The following AGK variants were observed in gnomAD, a reference collection of about 807,000 sequenced individuals.
AGK encodes the protein acylglycerol kinase, mitochondrial.
In AGK, 52 loss-of-function variants were observed where a neutral mutation model predicts 66.4. The ratio of observed to expected loss-of-function variants is 0.78; its 90% CI spans 0.63 to 0.99. The LOEUF (loss-of-function observed/expected upper bound fraction) is 0.99, where lower values mean the gene tolerates loss of function less well. AGK is among the 50% of genes least tolerant of loss of function. The pLI is 0.00. For synonymous variants in AGK, 182 were observed against 181.1 expected, an observed-to-expected ratio of 1.00 and a Z score of -0.04; for missense variants, 451 against 506.6, an observed-to-expected ratio of 0.89 and a Z score of 1.05.
chr7:141,598,856 T>C lies in AGK; in HGVS notation c.221+2215T>C, dbSNP rs1796283794. On this transcript the variant is annotated intron_variant, in intron 4 of 15. Coordinates refer to ENST00000649286, the MANE Select transcript of AGK (RefSeq NM_018238.4). The surrounding 1 kb of genome is among the most constrained non-coding windows in gnomAD (Gnocchi z 4.2). ...TTTGTTTAAGCAATAACCAGTTATT[T>C]TGAGTTCCTGCTTCTAAGAGGTATC... 6.6e-6 allele frequency: 1 copy of C among 152,184 alleles called. No homozygotes were observed. The highest frequency in any genetic ancestry group is 2.1e-4 in the South Asian group (1 of 4,830). 9.4% of individuals were successfully genotyped at this position (152,184 alleles called of 1,614,324 possible). A position where few individuals can be genotyped will look rare whatever the true frequency, so the allele number is the denominator to read the frequency against.
chr7:141,597,890 CAAAAAAAAA>C (rs56295907), intron 4 of AGK, among the ~76,000 whole-genome samples: 4 of 71,444 alleles, frequency 5.6e-5, no homozygotes, highest in African/African-American at 1.5e-4. Flanking sequence ...GACTCTGTCT[CAAAAAAAAA>C]AAAAAAAAAA....
In AGK at chr7:141,555,429, C is replaced by A; in HGVS notation, c.-14-24C>A. ...GACCATGGATAAATTATATTTTTTT[C>A]TCTTTCCGCCTCTACTAACCTAGCA... On this transcript the variant is annotated intron_variant, in intron 1 of 15. Transcript: ENST00000649286. This position sits in a 1 kb window ranked among gnomAD's most constrained non-coding sequence, Gnocchi z 4.2. 1 of 1,498,020 alleles carries A rather than the reference C, an allele frequency of 6.7e-7. No homozygotes were observed. Among genetic ancestry groups the A allele is most frequent in the Non-Finnish European group, 9.2e-7 (1 of 1,083,418 alleles). The allele number at this position is 1,498,020 out of a possible 1,614,324, so 92.8% of individuals were successfully genotyped here.
chr7:141,651,573 T>G lies in AGK; in HGVS notation c.1095T>G (p.Cys365Trp), dbSNP rs1252962430. The G allele has an allele frequency of 6.2e-7, 1 of 1,614,084 alleles. No individual in the cohort carries two copies. Among genetic ancestry groups the G allele is most frequent in the African/African-American group, 1.3e-5 (1 of 74,914 alleles). Residue 365 changes from cysteine to tryptophan, a missense_variant, in exon 15 of 16, where the codon TGT becomes TGG. Coordinates refer to ENST00000649286, the MANE Select transcript of AGK (RefSeq NM_018238.4). ...AGCTGCACGTGGAGGGCACGGAGTG[T>G]CTCCAAGCCAGCCAGTGCACTTTGC... ...NPKLHVEGTE[C>W]LQASQCTLLI...
chr7:141,582,620 T>C (rs2116900538), intron 2 of AGK, among the ~76,000 whole-genome samples: 1 of 152,146 alleles, frequency 6.6e-6, no homozygotes, highest in East Asian at 1.9e-4. Flanking sequence ...CTGGGTTTTT[T>C]ATATTTGATG....
intron 6 of AGK, among the ~76,000 whole-genome samples, chr7:141,612,344 A>G (rs2116957640): frequency 6.6e-6 from 1 of 152,308 alleles, no homozygotes; most frequent in East Asian, 1.9e-4. Flanking sequence ...CAGAGCACAG[A>G]GGATTGTTAG....
chr7:141,609,458 C>T (rs969066194), intron 5 of AGK, among the ~76,000 whole-genome samples: 1 of 152,158 alleles, frequency 6.6e-6, no homozygotes, highest in Non-Finnish European at 1.5e-5. Context: ...ATAAAGGATA[C>T]TACTCGGGAA....
At chr7:141,637,148 T>G (rs1797193201) in intron 11 of AGK, 131 bp downstream of exon 11, 2 of 671,642 alleles carry the variant, frequency 3.0e-6, no homozygotes, top group Non-Finnish European at 5.0e-6. Context: ...AAACAGGGCA[T>G]GTTTGATTAA....
chr7:141,634,605 T>C (rs1018880249), intron 10 of AGK, among the ~76,000 whole-genome samples: 16 of 152,210 alleles, frequency 1.1e-4, no homozygotes, highest in Admixed American at 8.5e-4. Context: ...AGAGGGTGTG[T>C]CATGTTCCAT....
intron 9 of AGK, among the ~76,000 whole-genome samples, chr7:141,623,529 C>T (rs149320658): frequency 2.0e-5 from 3 of 152,184 alleles, no homozygotes; most frequent in African/African-American, 4.8e-5. Flanking sequence ...AGGGCAAGGC[C>T]CTAACTCTCT....
At chr7:141,558,303 G>A (rs1350920622) in intron 2 of AGK, among the ~76,000 whole-genome samples, 3 of 151,224 alleles carry the variant, frequency 2.0e-5, no homozygotes, top group East Asian at 1.9e-4. Context: ...GACTACAGGC[G>A]CGTGCACCAT....
chr7:141,638,156 G>A (rs1359452226), intron 11 of AGK, among the ~76,000 whole-genome samples: 1 of 152,146 alleles, frequency 6.6e-6, no homozygotes, highest in East Asian at 1.9e-4. Context: ...TCAGATGCTG[G>A]GAGGGAAGTG....
intron 2 of AGK, among the ~76,000 whole-genome samples, chr7:141,577,231 T>C (rs1378845704): frequency 6.6e-6 from 1 of 152,060 alleles, no homozygotes; most frequent in African/African-American, 2.4e-5. Context: ...GCACCAACCT[T>C]AAGGCTGATA....
chr7:141,573,200 G>T (rs1795650868), intron 2 of AGK, among the ~76,000 whole-genome samples: 1 of 152,124 alleles, frequency 6.6e-6, no homozygotes, highest in Admixed American at 6.6e-5. Flanking sequence ...ATTTAAAGAA[G>T]CTCATTTATG....
At chr7:141,627,541 T>C (rs1445623015) in intron 9 of AGK, among the ~76,000 whole-genome samples, 2 of 152,184 alleles carry the variant, frequency 1.3e-5, no homozygotes, top group Non-Finnish European at 2.9e-5. Context: ...TTACAACTGG[T>C]GAACCCATGG....
At chr7:141,610,682 G>A (rs1796566931) in intron 5 of AGK, among the ~76,000 whole-genome samples, 1 of 152,170 alleles carries the variant, frequency 6.6e-6, no homozygotes, top group Admixed American at 6.5e-5. Context: ...TTACTGAGAA[G>A]TTATCATTAT....
In AGK at chr7:141,580,801, C is replaced by T. The variant is rs894415757; in HGVS notation, c.102-12345C>T. On this transcript the variant is annotated intron_variant, in intron 2 of 15. Transcript: ENST00000649286. ...CTGGTCCTTGTGTAAGAATTTCGAC[C>T]GCACAGCCCTGCACTTCAGCTGTAT... is the stretch of plus-strand genomic sequence containing the variant. 6.6e-5 allele frequency among the ~76,000 whole-genome samples: 10 copies of T among 151,902 alleles called. 1 individual carries two copies. Among genetic ancestry groups the T allele is most frequent in the African/African-American group, 2.2e-4 (9 of 41,222 alleles).
At chr7:141,584,495 G>A (rs762375015) in intron 2 of AGK, among the ~76,000 whole-genome samples, 2 of 152,200 alleles carry the variant, frequency 1.3e-5, no homozygotes, top group Non-Finnish European at 2.9e-5. Flanking sequence ...TCCCTAAAAT[G>A]TATAAAAGCA....
intron 14 of AGK, among the ~76,000 whole-genome samples, chr7:141,649,820 T>A (rs556438369): frequency 6.8e-4 from 104 of 152,358 alleles, no homozygotes; most frequent in African/African-American, 2.5e-3. Flanking sequence ...CCATTACTAT[T>A]TATGTCAGTT....
intron 2 of AGK, among the ~76,000 whole-genome samples, chr7:141,565,390 C>T (rs1795446066): frequency 6.6e-6 from 1 of 152,172 alleles, no homozygotes; most frequent in Non-Finnish European, 1.5e-5. Flanking sequence ...GTGGCTCACA[C>T]CTGTAATCCC....
Sources: gnomAD v4.1 joint callset for allele counts (sites outside exome capture counted in the v4.1 genomes callset) on GRCh38, gnomAD v4.1.1 for gene constraint, Gnocchi (gnomAD v3.1) non-coding constraint, MANE v1.5 for transcripts, NCBI Gene and HGNC (gene_info 2026-07-23, HGNC 2026-07-21) for gene names.